HSPA14: variants seen among roughly 807,000 people sequenced by gnomAD.
HSPA14 encodes the protein heat shock protein family A (Hsp70) member 14, also known as heat shock 70 kDa protein 14.
In HSPA14, 37 loss-of-function variants were observed where a neutral mutation model predicts 65.5. The ratio of observed to expected loss-of-function variants is 0.56; its 90% CI spans 0.43 to 0.74. The LOEUF is 0.74. HSPA14 is among the 30% of genes least tolerant of loss of function. The probability of loss-of-function intolerance (pLI) is 0.00; values close to 1 mark genes in which losing one functional copy is unlikely to be tolerated. For missense variants in HSPA14, 564 were observed against 607.6 expected, an observed-to-expected ratio of 0.93 and a Z score of 0.75; for synonymous variants, 203 against 214.2, an observed-to-expected ratio of 0.95 and a Z score of 0.46.
At position 14,861,067 on chromosome 10, in the gene HSPA14, C is replaced by G. The variant is rs570161108; in HGVS notation, c.993+5124C>G. 2.6e-5 allele frequency among the ~76,000 whole-genome samples: 4 copies of G among 152,188 alleles called. No individual in the cohort carries two copies. In the East Asian group the frequency reaches 5.8e-4, roughly 22 times the overall value. On this transcript the variant is annotated intron_variant, in intron 10 of 13. Transcript: ENST00000378372. ...AGGCTTAACCTCCTTGAGGATTGACCCTTGGACTTGGCAATGTGGAATGGC... is the reference window on the plus strand; with the variant it reads ...AGGCTTAACCTCCTTGAGGATTGACGCTTGGACTTGGCAATGTGGAATGGC...
At chr10:14,866,042 G>T (rs983794646) in intron 10 of HSPA14, among the ~76,000 whole-genome samples, 10 of 152,096 alleles carry the variant, frequency 6.6e-5, no homozygotes, top group Admixed American at 3.9e-4. Flanking sequence ...TCCCTTGTAA[G>T]TTGGATTCCT....
intron 11 of HSPA14, 108 bp from the exon 12 acceptor site, chr10:14,867,628 A>T: frequency 1.1e-6 from 1 of 907,072 alleles, no homozygotes; most frequent in Non-Finnish European, 1.7e-6. Context: ...CTCTTTGCCT[A>T]GTGTCCTGTT....
At chr10:14,853,184 G>T (rs1834121321) in intron 8 of HSPA14, among the ~76,000 whole-genome samples, 1 of 151,952 alleles carries the variant, frequency 6.6e-6, no homozygotes, top group African/African-American at 2.4e-5. Flanking sequence ...TCACTTGTTT[G>T]ATAAAGACCT....
intron 10 of HSPA14, among the ~76,000 whole-genome samples, chr10:14,864,510 T>C (rs1427377743): frequency 7.1e-6 from 1 of 141,168 alleles, no homozygotes; most frequent in East Asian, 2.4e-4. Context: ...GGCCCCGGTG[T>C]GTGATGTTCC....
chr10:14,846,280 G>T (rs111440484), intron 3 of HSPA14: 1 of 985,394 alleles, frequency 1.0e-6, no homozygotes, highest in Non-Finnish European at 1.2e-6. Context: ...TTGACGGAGA[G>T]TTAGGCCTGT....
At chr10:14,847,618 A>C (rs892128024) in intron 3 of HSPA14, among the ~76,000 whole-genome samples, 3 of 152,228 alleles carry the variant, frequency 2.0e-5, no homozygotes, top group Non-Finnish European at 4.4e-5. Context: ...AAGCCAAATT[A>C]GTCCATTTTA....
intron 10 of HSPA14, among the ~76,000 whole-genome samples, chr10:14,866,811 C>G (rs1240438595): frequency 2.0e-5 from 3 of 151,966 alleles, no homozygotes. Context: ...TATGATGAAC[C>G]AAGTATGTAG....
rs1030199524 is a variant in HSPA14 at position 14,844,309 on chromosome 10, C to A, written c.221+4152C>A. 7 of 1,060,296 alleles carry A rather than the reference C, an allele frequency of 6.6e-6. No individual in the cohort carries two copies. In the African/African-American group the frequency reaches 1.0e-4, roughly 16 times the overall value. The allele number at this position is 1,060,296 out of a possible 1,614,324, so 65.7% of individuals were successfully genotyped here. On this transcript the variant is annotated intron_variant, in intron 3 of 13. Transcript: ENST00000378372. ...TTTAAAAGTTTAAAAGCACTGTACA[C>A]ATTTAAGTTATTAATTCATATGGCC...
At chr10:14,843,906 A>C (rs1017334017) in intron 3 of HSPA14, 1 of 1,536,020 alleles carries the variant, frequency 6.5e-7, no homozygotes, top group Non-Finnish European at 8.7e-7. Flanking sequence ...AACCAATTAC[A>C]AAAGGCTCTG....
intron 10 of HSPA14, among the ~76,000 whole-genome samples, chr10:14,865,149 G>A (rs1291363246): frequency 7.9e-5 from 12 of 152,192 alleles, no homozygotes; most frequent in African/African-American, 1.4e-4. Context: ...CATATCCTTC[G>A]CCCACTTGTT....
chr10:14,865,004 G>T (rs1832792680), intron 10 of HSPA14, among the ~76,000 whole-genome samples: 3 of 152,078 alleles, frequency 2.0e-5, no homozygotes, highest in Non-Finnish European at 4.4e-5. Context: ...ACTTTTTAAT[G>T]ATCGCCATTC....
chr10:14,870,735 ATTTTT>A, intron 13 of HSPA14, 68 bp downstream of exon 13: 4 of 1,322,862 alleles, frequency 3.0e-6, no homozygotes, highest in Non-Finnish European at 4.1e-6. Context: ...GAGTTTATTG[ATTTTT>A]TTATTTATTG....
At chr10:14,838,680 G>A (rs1217956141) in intron 1 of HSPA14, 2 of 511,984 alleles carry the variant, frequency 3.9e-6, no homozygotes, top group African/African-American at 4.1e-5. Flanking sequence ...TCGCGGCGAT[G>A]TAGACGCGCG....
chr10:14,867,399 T>C (rs1832816651), intron 11 of HSPA14, 104 bp downstream of exon 11: 2 of 775,954 alleles, frequency 2.6e-6, no homozygotes, highest in East Asian at 2.6e-5. Flanking sequence ...TACCATGATG[T>C]TACAATAAAA....
chr10:14,854,110 A>G lies in HSPA14; in HGVS notation c.735-15A>G, dbSNP rs770984341. 75 of 1,581,836 alleles carry G rather than the reference A, an allele frequency of 4.7e-5. No homozygotes were observed. The highest frequency in any genetic ancestry group is 5.8e-5 in the Non-Finnish European group (68 of 1,166,846). ...CCAGTAATTTTAAACCCCAAAGGCT[A>G]TGTTTTTAATTTAGATCCTTCAAAC... On this transcript the variant is annotated splice_polypyrimidine_tract_variant and intron_variant, in intron 8 of 13. Transcript: ENST00000378372.
Position 14,854,033 on chromosome 10 carries a change from T to C in HSPA14, c.735-92T>C, listed in dbSNP as rs1588813336. On this transcript the variant is annotated intron_variant, in intron 8 of 13. Transcript: ENST00000378372. ...GCACCCGGCCTGATTCACTAATTTA[T>C]TATTGTTTTAATAAGGATTATCCAG... 9 of 1,263,842 alleles carry C rather than the reference T, an allele frequency of 7.1e-6. No individual in the cohort carries two copies. In the East Asian group the frequency reaches 2.3e-4, roughly 32 times the overall value. The allele number at this position is 1,263,842 out of a possible 1,614,324, so 78.3% of individuals were successfully genotyped here.
In HSPA14 at chr10:14,870,624, G is replaced by C. The variant is rs1439989042; in HGVS notation, c.1408G>C (p.Glu470Gln). ...QVVLQDLDKK[E>Q]NGLRDILAVL... is the part of the protein sequence containing the mutation. ...TGTACTCCAGGATTTAGATAAAAAA[G>C]AAAATGGATTACGTGATATATTAGC... The change falls in exon 13 of 14, where the codon GAA (glutamate) becomes CAA (glutamine). Residue 470 changes from glutamate to glutamine, a missense_variant. Physicochemically the swap from Glu to Gln is conservative, Grantham distance 29 (BLOSUM62 2). Coordinates refer to ENST00000378372, the MANE Select transcript of HSPA14 (RefSeq NM_016299.4). 1 of 1,582,998 alleles carries C rather than the reference G, an allele frequency of 6.3e-7. No homozygotes were observed. Among genetic ancestry groups the C allele is most frequent in the Non-Finnish European group, 8.6e-7 (1 of 1,158,592 alleles).
chr10:14,846,582 C>G (rs570398807), intron 3 of HSPA14: 2 of 981,184 alleles, frequency 2.0e-6, no homozygotes, highest in Non-Finnish European at 2.4e-6. Flanking sequence ...ACTACTTGAA[C>G]CCCCTTAGAA....
intron 6 of HSPA14, 139 bp from the exon 7 acceptor site, chr10:14,851,080 G>C (rs768194840): frequency 6.8e-6 from 4 of 590,400 alleles, no homozygotes; most frequent in Non-Finnish European, 1.2e-5. Flanking sequence ...CTATATTCTT[G>C]CTTCTAAAGA....
Sources: gnomAD v4.1 joint callset for allele counts (sites outside exome capture counted in the v4.1 genomes callset) on GRCh38, gnomAD v4.1.1 for gene constraint, MANE v1.5 for transcripts, NCBI Gene and HGNC (gene_info 2026-07-23, HGNC 2026-07-21) for gene names.